NDST3: variants seen among roughly 807,000 people sequenced by gnomAD.
NDST3 encodes bifunctional heparan sulfate N-deacetylase/N-sulfotransferase 3.
A neutral mutation model predicts 96.1 loss-of-function variants in NDST3; 58 were observed. The observed-to-expected ratio is 0.60, with a 90% CI of 0.49 to 0.75. NDST3 has a LOEUF of 0.75. Among genes scored for constraint, NDST3 ranks in the 30% least tolerant of loss-of-function variants. NDST3 has a pLI of 0.00. For synonymous variants in NDST3, 333 were observed against 359.7 expected (o/e 0.93, Z 0.84); for missense variants, 788 against 1,034.2 (o/e 0.76, Z 3.27).
chr4:118,131,342 ATTCT>A lies in NDST3; in HGVS notation c.1225-6706_1225-6703del, dbSNP rs1204903409. On this transcript the variant is annotated intron_variant, in intron 4 of 13. Coordinates refer to ENST00000296499, the MANE Select transcript of NDST3 (RefSeq NM_004784.3). ...AAATAGGCTGTCTTCAAGTTCACTG[ATTCT>A]TTCTTCTGCTTGATCAATTCTGCTA... Among the ~76,000 whole-genome samples the A allele has an allele frequency of 5.3e-5, 8 of 151,842 alleles. No individual in the cohort carries two copies. In the East Asian group the frequency reaches 9.8e-4, roughly 19 times the overall value.
intron 6 of NDST3, among the ~76,000 whole-genome samples, chr4:118,158,994 A>G (rs1734903452): frequency 6.6e-6 from 1 of 152,062 alleles, no homozygotes; most frequent in Admixed American, 6.6e-5. Flanking sequence ...AATTCACAAC[A>G]CTCACTTGCC....
intron 2 of NDST3, among the ~76,000 whole-genome samples, chr4:118,076,599 A>G (rs957223737): frequency 2.6e-5 from 4 of 152,064 alleles, no homozygotes; most frequent in African/African-American, 9.7e-5. Context: ...TAATACTTTC[A>G]ACTATATTAT....
At chr4:118,136,939 G>A (rs890279835) in intron 4 of NDST3, among the ~76,000 whole-genome samples, 2 of 152,186 alleles carry the variant, frequency 1.3e-5, no homozygotes, top group Non-Finnish European at 2.9e-5. Flanking sequence ...ATTTGAACAA[G>A]TATTTAGGTA....
At chr4:118,212,883 A>G (rs1284681961) in intron 6 of NDST3, among the ~76,000 whole-genome samples, 1 of 152,180 alleles carries the variant, frequency 6.6e-6, no homozygotes, top group African/African-American at 2.4e-5. Flanking sequence ...CTCAGGTAAC[A>G]TGTATTTCTT....
chr4:118,245,612 T>C (rs1484267678), intron 12 of NDST3, among the ~76,000 whole-genome samples: 2 of 152,208 alleles, frequency 1.3e-5, no homozygotes, highest in East Asian at 1.9e-4. Context: ...ACTTTCTTAT[T>C]AGCAAATTAT....
intron 2 of NDST3, among the ~76,000 whole-genome samples, chr4:118,085,097 T>C (rs1728317962): frequency 6.7e-6 from 1 of 149,844 alleles, no homozygotes; most frequent in African/African-American, 2.4e-5. Context: ...CACTCCAGCC[T>C]GGGCGACAGA....
chr4:118,197,526 C>T (rs1283932851), intron 6 of NDST3, among the ~76,000 whole-genome samples: 1 of 152,086 alleles, frequency 6.6e-6, no homozygotes, highest in Admixed American at 6.5e-5. Flanking sequence ...ATCGTTATAT[C>T]CTCTTGCTGA....
chr4:118,237,220 G>A lies in NDST3; in HGVS notation c.2118G>A (p.Gln706=). The change falls in exon 10 of 14, where the codon CAG becomes CAA. Residue 706 remains glutamine (Q), a splice_region_variant and synonymous_variant. Transcript: ENST00000296499. ...CAGACCGAGCATACTCCTGGTACCA[G>A]GTAAGGAAAATGCAAATAAAATCCA... ...DPSDRAYSWY[Q]HQRSHEDPAA... The A allele has an allele frequency of 1.9e-6, 3 of 1,598,496 alleles. No homozygotes were observed. The highest frequency in any genetic ancestry group is 2.3e-5 in the East Asian group (1 of 44,144).
chr4:118,122,562 C>T (rs1346364292), intron 4 of NDST3, among the ~76,000 whole-genome samples: 1 of 152,100 alleles, frequency 6.6e-6, no homozygotes, highest in East Asian at 1.9e-4. Flanking sequence ...AAATTTTCAG[C>T]CCACACCTAG....
intron 6 of NDST3, among the ~76,000 whole-genome samples, chr4:118,204,292 A>G (rs1170008196): frequency 2.9e-5 from 3 of 104,324 alleles, no homozygotes; most frequent in Non-Finnish European, 6.5e-5. Context: ...TCTGTTTAAA[A>G]AAAAAAAAAA....
chr4:118,242,133 T>G lies in NDST3; in HGVS notation c.2383T>G (p.Tyr795Asp), dbSNP rs1741046768. Residue 795 changes from tyrosine (Y) to aspartate (D), a missense_variant, in exon 12 of 14, where the codon TAC (tyrosine) becomes GAC (aspartate). Tyr to Asp is a radical substitution (Grantham distance 160). Transcript: ENST00000296499. ...TCTAGGAGTCTTGCCTCATTATAAT[T>G]ACTCAGAAGCTTTAACGTAAGTTTA... ...KFLGVLPHYN[Y>D]SEALTFDSHK... 6.3e-7 allele frequency: 1 copy of G among 1,595,042 alleles called. No homozygotes were observed. Among genetic ancestry groups the G allele is most frequent in the South Asian group, 1.1e-5 (1 of 89,994 alleles).
At chr4:118,231,924 T>G (rs530996917) in intron 8 of NDST3, among the ~76,000 whole-genome samples, 3 of 152,170 alleles carry the variant, frequency 2.0e-5, no homozygotes, top group Non-Finnish European at 2.9e-5. Flanking sequence ...ATTGCTCACT[T>G]TTTGAAAAAT....
intron 2 of NDST3, among the ~76,000 whole-genome samples, chr4:118,086,933 T>C (rs960939092): frequency 3.3e-5 from 5 of 152,290 alleles, no homozygotes; most frequent in Admixed American, 3.3e-4. Context: ...CAGAAAGTTA[T>C]TTAAAAAGCA....
chr4:118,084,214 T>C (rs1728236309), intron 2 of NDST3, among the ~76,000 whole-genome samples: 1 of 152,004 alleles, frequency 6.6e-6, no homozygotes, highest in Non-Finnish European at 1.5e-5. Context: ...TTTTAGCTAC[T>C]CTTGCTATAA....
intron 2 of NDST3, 75 bp from the exon 3 acceptor site, chr4:118,104,943 C>A: frequency 8.5e-7 from 1 of 1,183,288 alleles, no homozygotes; most frequent in Non-Finnish European, 1.2e-6. Flanking sequence ...CCTCTGAATG[C>A]AAAAAGGATA....
At chr4:118,180,439 T>C (rs1736538582) in intron 6 of NDST3, among the ~76,000 whole-genome samples, 1 of 152,164 alleles carries the variant, frequency 6.6e-6, no homozygotes, top group Non-Finnish European at 1.5e-5. Flanking sequence ...TATGATTTCA[T>C]TGCTTTCCAT....
Position 118,237,047 on chromosome 4 carries a change from T to C in NDST3, c.1945T>C (p.Tyr649His). The C allele has an allele frequency of 1.3e-6, 2 of 1,591,762 alleles. No individual in the cohort carries two copies. The highest frequency in any genetic ancestry group is 1.7e-6 in the Non-Finnish European group (2 of 1,167,826). Residue 649 changes from tyrosine (Y) to histidine (H), a missense_variant and splice_region_variant, in exon 10 of 14, where the codon TAT (tyrosine) becomes CAT (histidine). This residue lies in a region of NDST3 where 490 missense variants were observed against 708.8 expected (regional missense o/e 0.69). Coordinates refer to ENST00000296499, the MANE Select transcript of NDST3 (RefSeq NM_004784.3). ...TTGAGAAAAATATTCCTTTTCTAGGTATATGGATTTCTTCCCAGTCCCATC... is the reference window on the plus strand; with the variant it reads ...TTGAGAAAAATATTCCTTTTCTAGGCATATGGATTTCTTCCCAGTCCCATC... ...RNNYHRGIDW[Y>H]MDFFPVPSNV...
intron 4 of NDST3, among the ~76,000 whole-genome samples, chr4:118,119,385 T>C (rs970067444): frequency 1.3e-5 from 2 of 152,216 alleles, no homozygotes; most frequent in Non-Finnish European, 2.9e-5. Flanking sequence ...GAATGAATAC[T>C]ACCACTTTTA....
chr4:118,070,289 T>C (rs1022143898), intron 2 of NDST3, among the ~76,000 whole-genome samples: 1 of 151,958 alleles, frequency 6.6e-6, no homozygotes, highest in Non-Finnish European at 1.5e-5. Context: ...AATTATATGG[T>C]GAAATAGGGT....
Sources: allele counts gnomAD v4.1 joint callset (sites outside exome capture counted in the v4.1 genomes callset), GRCh38; gene constraint gnomAD v4.1.1; regional missense constraint gnomAD v4.1.1; transcripts MANE v1.5; gene names NCBI Gene and HGNC (gene_info 2026-07-23, HGNC 2026-07-21).